The following MMP20 variants were observed in gnomAD, a reference collection of about 807,000 sequenced individuals.
MMP20 encodes matrix metallopeptidase 20.
Under a neutral mutation model 51.8 loss-of-function variants are expected in MMP20, and 50 were observed. The observed-to-expected ratio is 0.97, with a 90% confidence interval of 0.77 to 1.22. The LOEUF is 1.22. Among genes scored for constraint, MMP20 ranks in the 50% most tolerant of loss-of-function variants. MMP20 has a pLI of 0.00. For missense variants in MMP20, 663 were observed against 601.4 expected (o/e 1.10, Z -1.07); for synonymous variants, 244 against 216.2 (o/e 1.13, Z -1.13).
At chr11:102,595,636 G>A (rs539769540) in intron 6 of MMP20, among the ~76,000 whole-genome samples, 1 of 152,292 alleles carries the variant, frequency 6.6e-6, no homozygotes. Flanking sequence ...TGCGCTGGAA[G>A]CATTTACATC....
At chr11:102,613,143 C>T (rs999090048) in intron 2 of MMP20, among the ~76,000 whole-genome samples, 1 of 152,212 alleles carries the variant, frequency 6.6e-6, no homozygotes, top group Non-Finnish European at 1.5e-5. Flanking sequence ...ACGATGACAC[C>T]TGAAGGCAGA....
rs17099044 is a variant in MMP20, at chr11:102,616,032, G to A, written c.374+780C>T. Among the ~76,000 whole-genome samples the A allele has an allele frequency of 4.7e-3, 720 of 152,182 alleles. 8 individuals carry two copies. The highest frequency in any genetic ancestry group is 0.016 in the African/African-American group (656 of 41,508). On this transcript the variant is annotated intron_variant, in intron 2 of 9. Transcript: ENST00000260228. The stretch of plus-strand genomic sequence containing the variant: ...TGTGGGAGAGGGAATTCCAGACTCC[G>A]TACCCTGAGCACAGCAGGGAGGGAC...
intron 6 of MMP20, chr11:102,605,123 C>T (rs1859498477): frequency 6.6e-6 from 1 of 152,158 alleles, no homozygotes; most frequent in Non-Finnish European, 1.5e-5. Flanking sequence ...GACTAGTGCA[C>T]TTATAAGAAG....
intron 6 of MMP20, among the ~76,000 whole-genome samples, chr11:102,601,317 A>G (rs1334093546): frequency 1.5e-5 from 1 of 66,440 alleles, no homozygotes; most frequent in Non-Finnish European, 3.6e-5. Context: ...TATTTTTAGT[A>G]GAGACGGGGT....
At chr11:102,612,251 G>A (rs971145352) in intron 2 of MMP20, among the ~76,000 whole-genome samples, 4 of 152,180 alleles carry the variant, frequency 2.6e-5, no homozygotes, top group South Asian at 2.1e-4. Flanking sequence ...GATCACTTGA[G>A]GTCAAGAGTT....
intron 8 of MMP20, among the ~76,000 whole-genome samples, chr11:102,581,565 T>C (rs1414642373): frequency 2.0e-5 from 3 of 152,000 alleles, no homozygotes; most frequent in African/African-American, 4.8e-5. Context: ...TTTTTACCAA[T>C]AATAAATAAA....
chr11:102,620,302 C>G (rs543702653), intron 1 of MMP20, among the ~76,000 whole-genome samples: 1 of 152,186 alleles, frequency 6.6e-6, no homozygotes, highest in Non-Finnish European at 1.5e-5. Flanking sequence ...CACTTTCTTG[C>G]TAAAGTTACT....
Position 102,576,846 on chromosome 11 carries a change from C to T in MMP20, c.*480G>A, listed in dbSNP as rs1375931270. 1 of 172,352 alleles carries T rather than the reference C, an allele frequency of 5.8e-6. No individual in the cohort carries two copies. Among genetic ancestry groups the T allele is most frequent in the East Asian group, 1.6e-4 (1 of 6,268 alleles). 10.7% of individuals were successfully genotyped at this position (172,352 alleles called of 1,614,324 possible). ...CTTATGCAGTATTTTGTTGTGATGT[C>T]TTTTAAGTAAAAATTGGGAAATTTA... On this transcript the variant is annotated 3_prime_UTR_variant, in exon 10 of 10. Transcript: ENST00000260228.
At chr11:102,584,536 A>G (rs1344992234) in intron 8 of MMP20, among the ~76,000 whole-genome samples, 1 of 152,152 alleles carries the variant, frequency 6.6e-6, no homozygotes, top group Non-Finnish European at 1.5e-5. Context: ...TCTTTATCAG[A>G]TATATGACTT....
chr11:102,589,077 C>T (rs1859284877), intron 8 of MMP20, among the ~76,000 whole-genome samples: 1 of 152,156 alleles, frequency 6.6e-6, no homozygotes, highest in South Asian at 2.1e-4. Context: ...CACTGATCTC[C>T]CTAGAAAGGC....
chr11:102,592,792 C>T (rs1012830916), intron 8 of MMP20, among the ~76,000 whole-genome samples: 3 of 152,188 alleles, frequency 2.0e-5, no homozygotes, highest in Admixed American at 6.5e-5. Flanking sequence ...TCTCATTCCT[C>T]AACATGAGTC....
At chr11:102,589,851 A>G (rs1349246112) in intron 8 of MMP20, among the ~76,000 whole-genome samples, 1 of 152,198 alleles carries the variant, frequency 6.6e-6, no homozygotes, top group Non-Finnish European at 1.5e-5. Context: ...TATTTTTATT[A>G]CTTATTATTT....
At chr11:102,594,873 TCTTGCCTTGC>T in intron 6 of MMP20, 116 bp from the exon 7 acceptor site, 1 of 1,324,116 alleles carries the variant, frequency 7.6e-7, no homozygotes, top group Non-Finnish European at 1.0e-6. Flanking sequence ...TGCCCTTTGC[TCTTGCCTTGC>T]CTTGCCTTGT....
intron 5 of MMP20, 187 bp from the exon 6 acceptor site, chr11:102,606,863 A>T (rs998275160): frequency 1.0e-4 from 65 of 647,222 alleles, no homozygotes; most frequent in Non-Finnish European, 1.7e-4. Context: ...TTTGAGGCAC[A>T]TTATTCAACT....
intron 2 of MMP20, among the ~76,000 whole-genome samples, chr11:102,613,454 A>G (rs955127856): frequency 1.3e-5 from 2 of 152,238 alleles, no homozygotes; most frequent in Non-Finnish European, 2.9e-5. Flanking sequence ...TGAATGAATT[A>G]AAGAATTAAA....
chr11:102,582,106 A>G (rs1398973361), intron 8 of MMP20, among the ~76,000 whole-genome samples: 1 of 152,208 alleles, frequency 6.6e-6, no homozygotes, highest in African/African-American at 2.4e-5. Flanking sequence ...TATCTGATGT[A>G]GTTTTTCAGA....
chr11:102,591,539 G>T (rs1859317242), intron 8 of MMP20, among the ~76,000 whole-genome samples: 1 of 152,146 alleles, frequency 6.6e-6, no homozygotes, highest in Non-Finnish European at 1.5e-5. Context: ...ATCTGTGTCT[G>T]CATGCATTAC....
At chr11:102,620,829 A>G (rs1015363618) in intron 1 of MMP20, among the ~76,000 whole-genome samples, 1 of 152,204 alleles carries the variant, frequency 6.6e-6, no homozygotes, top group Non-Finnish European at 1.5e-5. Flanking sequence ...TCTCAGTGTC[A>G]GGTTCCAGCC....
chr11:102,606,559 T>C lies in MMP20; in HGVS notation c.929A>G (p.Lys310Arg). ...SSFDAVTMLG[K>R]ELLLFKDRIF... ...CCGGTCCTTGAAGAGCAGGAGCTCC[T>C]TCCCCAGCATTGTCACAGCGTCAAA... The change falls in exon 6 of 10, where the codon AAG (lysine) becomes AGG (arginine). Residue 310 changes from lysine (K) to arginine (R), a missense_variant. Transcript: ENST00000260228. 6.2e-7 allele frequency: 1 copy of C among 1,613,662 alleles called. No homozygotes were observed. Among genetic ancestry groups the C allele is most frequent in the South Asian group, 1.1e-5 (1 of 91,064 alleles).
Sources: allele counts gnomAD v4.1 joint callset (sites outside exome capture counted in the v4.1 genomes callset), GRCh38; gene constraint gnomAD v4.1.1; transcripts MANE v1.5; gene names NCBI Gene and HGNC (gene_info 2026-07-23, HGNC 2026-07-21).